Variants in GTPBP4 observed in about 807,000 individuals in gnomAD.
GTPBP4 encodes the protein GTP-binding protein 4.
A neutral mutation model predicts 81.7 loss-of-function variants in GTPBP4; 15 were observed. The observed-to-expected ratio is 0.18, with a 90% CI of 0.12 to 0.28. GTPBP4 has a LOEUF of 0.28. Among genes scored for constraint, GTPBP4 ranks in the 10% least tolerant of loss-of-function variants. The pLI is 1.00. For missense variants in GTPBP4, 847 were observed against 793.8 expected, an observed-to-expected ratio of 1.07 and a Z score of -0.81; for synonymous variants, 272 against 274.6, an observed-to-expected ratio of 0.99 and a Z score of 0.09.
intron 11 of GTPBP4, 33 bp downstream of exon 11, chr10:1,009,068 A>T (rs201874436): frequency 6.8e-7 from 1 of 1,481,104 alleles, no homozygotes; most frequent in Non-Finnish European, 9.4e-7. Context: ...CAGTGTTCTC[A>T]TGGGGGGAGG....
intron 8 of GTPBP4, 43 bp downstream of exon 8, chr10:1,001,056 C>T: frequency 7.2e-7 from 1 of 1,383,710 alleles, no homozygotes; most frequent in Non-Finnish European, 1.0e-6. Context: ...CTTACCAATT[C>T]TGAATTCTCA....
chr10:1,010,594 G>C, intron 13 of GTPBP4, 74 bp downstream of exon 13: 2 of 863,504 alleles, frequency 2.3e-6, no homozygotes, highest in South Asian at 2.6e-5. Flanking sequence ...TAGCAGCATG[G>C]CTTCGGCTCA....
chr10:992,594 A>G lies in GTPBP4; in HGVS notation c.154A>G (p.Lys52Glu), dbSNP rs568426424. 2 of 1,602,140 alleles carry G rather than the reference A, an allele frequency of 1.2e-6. No homozygotes were observed. The highest frequency in any genetic ancestry group is 1.7e-6 in the Non-Finnish European group (2 of 1,169,540). Residue 52 changes from lysine to glutamate, a missense_variant, in exon 2 of 17, where the codon AAA (lysine) becomes GAA (glutamate). Lys to Glu is a moderately conservative substitution (Grantham distance 56). Coordinates refer to ENST00000360803, the MANE Select transcript of GTPBP4 (RefSeq NM_012341.3). ...TAGACATTTTTACATGAGAAAAGTC[A>G]AATTTACTCAACAGAATTACCATGA... ...RIRHFYMRKV[K>E]FTQQNYHDRL... is the part of the protein sequence containing the mutation.
chr10:1,009,565 AT>A lies in GTPBP4; in HGVS notation c.1232del (p.Leu411TrpfsTer9). On this transcript the variant is annotated frameshift_variant, in exon 12 of 17. Coordinates refer to ENST00000360803, the MANE Select transcript of GTPBP4 (RefSeq NM_012341.3). LOFTEE classifies it high-confidence loss of function. ...DLELEMGDDY[I>X]LDLQKYWDLM... is the part of the protein sequence containing the mutation. ...TGAGCTGGAAATGGGAGATGATTAT[AT>A]TTTGGATCTTCAGAGTAAGGGCCAG... The A allele has an allele frequency of 6.3e-7, 1 of 1,596,418 alleles. No individual in the cohort carries two copies. The highest frequency in any genetic ancestry group is 8.6e-7 in the Non-Finnish European group (1 of 1,163,818).
chr10:1,008,644 C>T (rs180962453), intron 10 of GTPBP4, among the ~76,000 whole-genome samples: 83 of 152,212 alleles, frequency 5.5e-4, no homozygotes, highest in African/African-American at 1.6e-3. Context: ...TTTCTTCTTC[C>T]ATAATTTTTC....
chr10:998,943 A>G (rs754754673), intron 5 of GTPBP4, 60 bp from the exon 6 acceptor site: 11 of 923,052 alleles, frequency 1.2e-5, no homozygotes, highest in Non-Finnish European at 2.0e-5. Flanking sequence ...GTTAAAACAC[A>G]CAGATCCCAC....
rs145424744 is a variant in GTPBP4, at chr10:1,011,064, C to T, written c.1344+544C>T. On this transcript the variant is annotated intron_variant, in intron 13 of 16. Transcript: ENST00000360803. ...TCTGCTGTGCTGGGCCCTTCATTCT[C>T]CTGCATCCCTCCATCCTGACTGTGC... Among the ~76,000 whole-genome samples the T allele has an allele frequency of 1.7e-3, 166 of 98,450 alleles. 1 individual carries two copies. Among genetic ancestry groups the T allele is most frequent in the African/African-American group, 5.9e-3 (164 of 28,016 alleles). 64.6% of individuals were successfully genotyped at this position (98,450 alleles called of 152,430 possible). A position where few individuals can be genotyped will look rare whatever the true frequency, so the allele number is the denominator to read the frequency against.
In GTPBP4 at chr10:999,080, G is replaced by A. The variant is rs529872363; in HGVS notation, c.639G>A (p.Lys213=). ...TGTTTGTTGGGCACATGGATTATAA[G>A]TATCTACGTTGGCAGGTGAGAGTCT... ...KSLFVGHMDY[K]YLRWQVVDTP... The change falls in exon 6 of 17, where the codon AAG becomes AAA. Residue 213 remains lysine (K), a synonymous_variant. Coordinates refer to ENST00000360803, the MANE Select transcript of GTPBP4 (RefSeq NM_012341.3). The A allele has an allele frequency of 1.4e-5, 22 of 1,577,138 alleles. No individual in the cohort carries two copies. The African/African-American group carries it at 3.0e-4, about 21-fold the overall frequency.
rs1400538433 is a variant in GTPBP4, at chr10:992,505, C to T, written c.65C>T (p.Thr22Met). ...TAATTGCAGGACTTCATAGACCTCA[C>T]GTTGTCGAAGACTCAACGAAAGACT... Reference protein sequence around the residue: ...VPSAKDFIDLTLSKTQRKTPT... With the variant: ...VPSAKDFIDLMLSKTQRKTPT... The change falls in exon 2 of 17, where the codon ACG (threonine) becomes ATG (methionine). Residue 22 changes from threonine to methionine, a missense_variant. Around this residue, in one of 3 missense-constraint regions of GTPBP4, gnomAD observed 241 missense variants for 216.3 expected, o/e 1.11. Coordinates refer to ENST00000360803, the MANE Select transcript of GTPBP4 (RefSeq NM_012341.3). 6.3e-6 allele frequency: 10 copies of T among 1,597,352 alleles called. No individual in the cohort carries two copies. The highest frequency in any genetic ancestry group is 1.7e-5 in the Admixed American group (1 of 59,846).
At position 1,019,561 on chromosome 10, in the gene GTPBP4, C is replaced by A; in HGVS notation, c.*2334C>A. ...TGAAGCTCCACAAACGGGGTCACGT[C>A]ATCCAGGTGAGGCCACCACCGGTAC... On this transcript the variant is annotated 3_prime_UTR_variant, in exon 17 of 17. Coordinates refer to ENST00000360803, the MANE Select transcript of GTPBP4 (RefSeq NM_012341.3). 1 of 1,613,824 alleles carries A rather than the reference C, an allele frequency of 6.2e-7. No individual in the cohort carries two copies. The highest frequency in any genetic ancestry group is 1.1e-5 in the South Asian group (1 of 91,046).
chr10:991,798 C>T (rs1223465820), intron 1 of GTPBP4, among the ~76,000 whole-genome samples: 4 of 148,588 alleles, frequency 2.7e-5, no homozygotes, highest in Non-Finnish European at 5.9e-5. Context: ...CGGGTTCACG[C>T]CATTCTCCTG....
chr10:996,795 G>A (rs562458512), intron 4 of GTPBP4: 51 of 172,520 alleles, frequency 3.0e-4, no homozygotes, highest in East Asian at 7.1e-4. Flanking sequence ...CCCTGGAGCC[G>A]TGTTTGTTAC....
rs1589035125 is a variant in GTPBP4 at position 1,018,794 on chromosome 10, A to T, written c.*1567A>T. ...CTGCACTCCAGCCTGGTCGACAGCG[A>T]GACTCCATCTCAAAAAAAAAAAAAA... On this transcript the variant is annotated 3_prime_UTR_variant, in exon 17 of 17. Coordinates refer to ENST00000360803, the MANE Select transcript of GTPBP4 (RefSeq NM_012341.3). 6.9e-6 allele frequency: 1 copy of T among 145,552 alleles called. No individual in the cohort carries two copies. Among genetic ancestry groups the T allele is most frequent in the Non-Finnish European group, 1.5e-5 (1 of 66,782 alleles). The allele number at this position is 145,552 out of a possible 1,614,324, so 9.0% of individuals were successfully genotyped here.
chr10:1,014,392 C>T (rs754684075), intron 15 of GTPBP4, 80 bp downstream of exon 15: 20 of 1,014,660 alleles, frequency 2.0e-5, no homozygotes, highest in Non-Finnish European at 2.8e-5. Context: ...CGTGGTGGCT[C>T]ATGCCTGTAA....
Position 1,014,325 on chromosome 10 carries a change from G to T in GTPBP4, c.1608+13G>T. ...CGATAAAGACGATGTGAGTGTGGGG[G>T]CGGTTCATGTGTTTATGTGGCTGGA... On this transcript the variant is annotated intron_variant, in intron 15 of 16. Transcript: ENST00000360803. 1 of 1,590,230 alleles carries T rather than the reference G, an allele frequency of 6.3e-7. No homozygotes were observed. The highest frequency in any genetic ancestry group is 8.6e-7 in the Non-Finnish European group (1 of 1,158,672).
intron 8 of GTPBP4, among the ~76,000 whole-genome samples, chr10:1,005,358 G>A (rs1831709009): frequency 6.6e-6 from 1 of 152,048 alleles, no homozygotes; most frequent in Non-Finnish European, 1.5e-5. Flanking sequence ...TGTTAGCCAG[G>A]GTGACCTTGA....
intron 8 of GTPBP4, 97 bp from the exon 9 acceptor site, chr10:1,005,721 T>A (rs1831717618): frequency 1.4e-6 from 1 of 733,116 alleles, no homozygotes; most frequent in Non-Finnish European, 2.5e-6. Flanking sequence ...ACCACAGATG[T>A]TCACATTTGC....
chr10:1,015,850 G>A lies in GTPBP4; in HGVS notation c.1706G>A (p.Ser569Asn). The change falls in exon 16 of 17, where the codon AGT becomes AAT. Residue 569 changes from serine to asparagine, a missense_variant. Around this residue, in one of 3 missense-constraint regions of GTPBP4, gnomAD observed 600 missense variants for 557.1 expected, o/e 1.08. Transcript: ENST00000360803. ...APPSSVARSGSCSRTPRDVSG... is the reference protein window; with the variant it reads ...APPSSVARSGNCSRTPRDVSG... ...CCGTCCTCTGTGGCCCGGAGTGGGA[G>A]TTGCTCTCGAACTCCACGTGACGTT... 1 of 1,614,006 alleles carries A rather than the reference G, an allele frequency of 6.2e-7. No homozygotes were observed. The highest frequency in any genetic ancestry group is 8.5e-7 in the Non-Finnish European group (1 of 1,179,854).
intron 16 of GTPBP4, among the ~76,000 whole-genome samples, chr10:1,016,585 G>C (rs1260388833): frequency 2.0e-5 from 3 of 152,220 alleles, no homozygotes; most frequent in South Asian, 2.1e-4. Context: ...TTGTCAGTCA[G>C]ACCTGAGGAA....
Sources: gnomAD v4.1 joint callset for allele counts (sites outside exome capture counted in the v4.1 genomes callset) on GRCh38, gnomAD v4.1.1 for gene constraint, gnomAD v4.1.1 regional missense constraint, MANE v1.5 for transcripts, NCBI Gene and HGNC (gene_info 2026-07-23, HGNC 2026-07-21) for gene names.